Variants in NOMO1 observed in about 807,000 individuals in gnomAD.
The protein encoded by NOMO1 is nodal modulator 3.
In NOMO1, 40 loss-of-function variants were observed where a neutral mutation model predicts 133.8. The ratio of observed to expected loss-of-function variants is 0.30; its 90% CI spans 0.23 to 0.39. The LOEUF is 0.39. NOMO1 is among the 10% of genes least tolerant of loss of function. The probability of loss-of-function intolerance (pLI) is 1.00; values close to 1 mark genes in which losing one functional copy is unlikely to be tolerated. For synonymous variants in NOMO1, 236 were observed against 570.5 expected (o/e 0.41, Z 8.36); for missense variants, 462 against 1,419.9 (o/e 0.33, Z 10.84).
chr16:14,836,135 A>C (rs1324668012), intron 1 of NOMO1, among the ~76,000 whole-genome samples: 1 of 152,062 alleles, frequency 6.6e-6, no homozygotes, highest in Non-Finnish European at 1.5e-5. Flanking sequence ...TTTTGTAGTG[A>C]TCTGAATCCT....
chr16:14,836,045 C>T (rs13329875), intron 1 of NOMO1, among the ~76,000 whole-genome samples: 5 of 151,964 alleles, frequency 3.3e-5, no homozygotes, highest in Admixed American at 1.3e-4. Flanking sequence ...TTTAACAATC[C>T]GCAGGTTTCA....
At chr16:14,889,071 A>C in intron 28 of NOMO1, 25 bp from the exon 29 acceptor site, 1 of 1,611,808 alleles carries the variant, frequency 6.2e-7, no homozygotes, top group East Asian at 2.2e-5. Flanking sequence ...CCTTGTAAAA[A>C]TAACTTCTTC....
chr16:14,858,913 G>C (rs1051741857), intron 11 of NOMO1, among the ~76,000 whole-genome samples: 8 of 151,952 alleles, frequency 5.3e-5, no homozygotes, highest in African/African-American at 1.9e-4. Context: ...AGGGTGCCCA[G>C]CTTGAGAGGT....
intron 29 of NOMO1, among the ~76,000 whole-genome samples, chr16:14,893,189 T>A (rs1964431306): frequency 6.6e-6 from 1 of 151,514 alleles, no homozygotes; most frequent in African/African-American, 2.4e-5. Context: ...AACTTTTATT[T>A]ATTTATTCAT....
At chr16:14,836,995 G>A (rs1275974076) in intron 1 of NOMO1, among the ~76,000 whole-genome samples, 1 of 150,518 alleles carries the variant, frequency 6.6e-6, no homozygotes, top group Non-Finnish European at 1.5e-5. Context: ...GTGAGCCACC[G>A]CGCCCGGCCC....
At position 14,891,587 on chromosome 16, in the gene NOMO1, T is replaced by G. The variant is rs557860685; in HGVS notation, c.3444+2372T>G. Among the ~76,000 whole-genome samples, 275 of 152,012 alleles carry G rather than the reference T, an allele frequency of 1.8e-3. 3 individuals are homozygous for G. The highest frequency in any genetic ancestry group is 6.1e-3 in the African/African-American group (252 of 41,404). ...TTTACATTTAAATCTCTCTATCCAT[T>G]TGGAGTTTTTCCTGGTATAGATGTG... is the stretch of plus-strand genomic sequence containing the variant. On this transcript the variant is annotated intron_variant, in intron 29 of 30. Coordinates refer to ENST00000287667, the MANE Select transcript of NOMO1 (RefSeq NM_014287.4).
intron 6 of NOMO1, among the ~76,000 whole-genome samples, chr16:14,850,021 C>T (rs1963734297): frequency 6.6e-6 from 1 of 150,708 alleles, no homozygotes; most frequent in South Asian, 2.1e-4. Flanking sequence ...ACCTTGGCTT[C>T]CCAAGGATCT....
intron 15 of NOMO1, 80 bp from the exon 16 acceptor site, chr16:14,868,468 G>A (rs1487968695): frequency 5.1e-6 from 5 of 981,606 alleles, no homozygotes; most frequent in African/African-American, 5.0e-5. Flanking sequence ...CAGATGACTG[G>A]TTTGGAAAGA....
chr16:14,856,691 C>T (rs889053093), intron 9 of NOMO1, among the ~76,000 whole-genome samples: 5 of 152,026 alleles, frequency 3.3e-5, no homozygotes, highest in African/African-American at 9.7e-5. Context: ...GGATTACAGG[C>T]GTGAACCACT....
At chr16:14,885,297 C>A (rs1964307531) in intron 27 of NOMO1, among the ~76,000 whole-genome samples, 1 of 151,724 alleles carries the variant, frequency 6.6e-6, no homozygotes. Flanking sequence ...TCTCTTGTCT[C>A]CAGTAGTGAC....
rs1175125335 is a variant in NOMO1, at chr16:14,850,002, C to T, written c.582+1031C>T. Among the ~76,000 whole-genome samples the T allele has an allele frequency of 4.0e-5, 6 of 149,588 alleles. No homozygotes were observed. In the East Asian group the frequency reaches 9.9e-4, roughly 25 times the overall value. On this transcript the variant is annotated intron_variant, in intron 6 of 30. Coordinates refer to ENST00000287667, the MANE Select transcript of NOMO1 (RefSeq NM_014287.4). Reference sequence around the variant, plus strand: ...GCAGCCTCTGGTTCCTGGCCTTAAGCGATCCTTCACCTTGGCTTCCCAAGG... The same window carrying T: ...GCAGCCTCTGGTTCCTGGCCTTAAGTGATCCTTCACCTTGGCTTCCCAAGG...
At position 14,877,904 on chromosome 16, in the gene NOMO1, G is replaced by A. The variant is rs1468120340; in HGVS notation, c.2644-817G>A. ...TCTACTTCTAGGAATGGATTGTTCA[G>A]GAAATAAAAATTAAGTGCCTAGAGA... On this transcript the variant is annotated intron_variant, in intron 22 of 30. Coordinates refer to ENST00000287667, the MANE Select transcript of NOMO1 (RefSeq NM_014287.4). 3.5e-4 allele frequency among the ~76,000 whole-genome samples: 3 copies of A among 8,582 alleles called. No homozygotes were observed. The Non-Finnish European group carries it at 0.039, about 113-fold the overall frequency. The allele number at this position is 8,582 out of a possible 152,430, so 5.6% of individuals were successfully genotyped here. A position where few individuals can be genotyped will look rare whatever the true frequency, so the allele number is the denominator to read the frequency against.
At chr16:14,860,527 G>A (rs1022526759) in intron 11 of NOMO1, among the ~76,000 whole-genome samples, 25 of 151,876 alleles carry the variant, frequency 1.6e-4, no homozygotes, top group Non-Finnish European at 1.0e-4. Context: ...GTGGTTGTCT[G>A]GAGGAGATAT....
rs1472298194 is a variant in NOMO1 at position 14,865,078 on chromosome 16, A to G, written c.1592A>G (p.Lys531Arg). The change falls in exon 14 of 31, where the codon AAG becomes AGG. Residue 531 changes from lysine (K) to arginine (R), a missense_variant. By Grantham distance (26) the Lys-to-Arg change is conservative. Transcript: ENST00000287667. ...CAGTCCCTGAGCCGCCAGGGTGAGA[A>G]GCGGAGCCTCCAGCTCTCCGGCAAG... ...TLQSLSRQGE[K>R]RSLQLSGKVN... The G allele has an allele frequency of 1.3e-6, 2 of 1,569,638 alleles. No individual in the cohort carries two copies. The highest frequency in any genetic ancestry group is 1.7e-6 in the Non-Finnish European group (2 of 1,146,968).
At chr16:14,840,917 T>C (rs1963596111) in intron 2 of NOMO1, among the ~76,000 whole-genome samples, 1 of 151,534 alleles carries the variant, frequency 6.6e-6, no homozygotes, top group Non-Finnish European at 1.5e-5. Flanking sequence ...CCCTCCTGCC[T>C]TGGCCTCCCA....
At chr16:14,845,093 C>T (rs1963659513) in intron 4 of NOMO1, among the ~76,000 whole-genome samples, 1 of 151,876 alleles carries the variant, frequency 6.6e-6, no homozygotes, top group Non-Finnish European at 1.5e-5. Flanking sequence ...GCAATCTTGA[C>T]TCACTGCAGC....
intron 14 of NOMO1, among the ~76,000 whole-genome samples, chr16:14,866,351 C>T (rs1328718371): frequency 2.7e-5 from 4 of 150,922 alleles, no homozygotes; most frequent in Non-Finnish European, 5.9e-5. Flanking sequence ...TGAGCCACCA[C>T]GCTCGACTCC....
At chr16:14,894,234 T>G (rs1236623077) in intron 29 of NOMO1, among the ~76,000 whole-genome samples, 229 of 152,196 alleles carry the variant, frequency 1.5e-3, no homozygotes, top group African/African-American at 5.2e-3. Flanking sequence ...CCCTTCTGTC[T>G]CATTGCGCTG....
At chr16:14,861,640 G>A (rs1458663616) in intron 11 of NOMO1, among the ~76,000 whole-genome samples, 1 of 146,608 alleles carries the variant, frequency 6.8e-6, no homozygotes, top group Middle Eastern at 3.2e-3. Context: ...CATATGCTAG[G>A]TCAGGGACTG....
Sources: gnomAD v4.1 joint callset for allele counts (sites outside exome capture counted in the v4.1 genomes callset) on GRCh38, gnomAD v4.1.1 for gene constraint, MANE v1.5 for transcripts, NCBI Gene and HGNC (gene_info 2026-07-23, HGNC 2026-07-21) for gene names.